The following SPATA33 variants were observed in gnomAD, a reference collection of about 807,000 sequenced individuals.
SPATA33 encodes spermatogenesis associated 33.
SPATA33 carries 10 observed loss-of-function variants against 8.9 expected under a neutral mutation model. The observed-to-expected ratio is 1.12, with a 90% CI of 0.69 to 1.90. The LOEUF is 1.90. SPATA33 is among the 40% of genes most tolerant of loss of function. The probability of loss-of-function intolerance (pLI) is 0.00; values close to 1 mark genes in which losing one functional copy is unlikely to be tolerated. For synonymous variants in SPATA33, 96 were observed against 72.8 expected, an observed-to-expected ratio of 1.32 and a Z score of -1.63; for missense variants, 241 against 178.3, an observed-to-expected ratio of 1.35 and a Z score of -2.00.
At chr16:89,664,486 T>TA (rs1236948090) in intron 2 of SPATA33, among the ~76,000 whole-genome samples, 2 of 152,060 alleles carry the variant, frequency 1.3e-5, no homozygotes, top group Admixed American at 1.3e-4. Context: ...TTTGACGTCA[T>TA]CAAAATGCGA....
Position 89,669,617 on chromosome 16 carries a change from C to A in SPATA33, c.*120C>A. The A allele has an allele frequency of 2.1e-6, 2 of 957,236 alleles. No individual in the cohort carries two copies. Among genetic ancestry groups the A allele is most frequent in the Non-Finnish European group, 3.1e-6 (2 of 653,814 alleles). 59.3% of individuals were successfully genotyped at this position (957,236 alleles called of 1,614,324 possible). On this transcript the variant is annotated 3_prime_UTR_variant, in exon 3 of 3. Transcript: ENST00000579310. The stretch of plus-strand genomic sequence containing the variant: ...GCTCTCGGGGAGGTTGCACCAGGCC[C>A]ACCCCACCCTGTGAGAAACTGCAGC...
chr16:89,660,446 G>A (rs575987880), intron 2 of SPATA33: 1 of 1,231,288 alleles, frequency 8.1e-7, no homozygotes, highest in Non-Finnish European at 1.0e-6. Flanking sequence ...ACCAGAGGGT[G>A]GGGGAGGAAG....
At chr16:89,663,689 G>A (rs1247452404) in intron 2 of SPATA33, among the ~76,000 whole-genome samples, 4 of 152,180 alleles carry the variant, frequency 2.6e-5, no homozygotes, top group Admixed American at 6.5e-5. Flanking sequence ...GGGAGTGGGT[G>A]TGTCTGAAGG....
At chr16:89,657,987 C>T (rs1319689787) in intron 1 of SPATA33, 39 bp downstream of exon 1, 4 of 1,503,550 alleles carry the variant, frequency 2.7e-6, no homozygotes, top group East Asian at 2.7e-5. Flanking sequence ...CGCGTCTCCG[C>T]CCCTGGGCGC....
At chr16:89,664,241 C>T (rs892746899) in intron 2 of SPATA33, among the ~76,000 whole-genome samples, 1 of 152,222 alleles carries the variant, frequency 6.6e-6, no homozygotes, top group Non-Finnish European at 1.5e-5. Flanking sequence ...AAAATATTTA[C>T]ATCTATGAGA....
rs757530791 is a variant in SPATA33 at position 89,669,284 on chromosome 16, A to G, written c.212-2A>G. The G allele has an allele frequency of 9.9e-6, 16 of 1,613,888 alleles. No homozygotes were observed. In the South Asian group the frequency reaches 1.2e-4, roughly 12 times the overall value. ...TAAATGCCTGGATGTTTTTTCCTCTAGAGAAACCTGATGTAAAGCAAAAGT... is the reference window on the plus strand; with the variant it reads ...TAAATGCCTGGATGTTTTTTCCTCTGGAGAAACCTGATGTAAAGCAAAAGT... On this transcript the variant is annotated splice_acceptor_variant, in intron 2 of 2. Coordinates refer to ENST00000579310, the MANE Select transcript of SPATA33 (RefSeq NM_001271907.2). LOFTEE classifies it high-confidence loss of function.
At chr16:89,658,653 A>C in intron 2 of SPATA33, 1 of 598,138 alleles carries the variant, frequency 1.7e-6, no homozygotes, top group African/African-American at 1.9e-5. Flanking sequence ...ATAAGTGCGT[A>C]CCAGGTGGTC....
At chr16:89,658,062 C>CG (rs1300171824) in intron 1 of SPATA33, 114 bp downstream of exon 1, 2 of 1,460,920 alleles carry the variant, frequency 1.4e-6, no homozygotes, top group Non-Finnish European at 1.8e-6. Context: ...CGGCCCGGTG[C>CG]GAACCGTTCC....
At chr16:89,662,339 TAAC>T (rs1419604447) in intron 2 of SPATA33, among the ~76,000 whole-genome samples, 1 of 150,178 alleles carries the variant, frequency 6.7e-6, no homozygotes, top group Non-Finnish European at 1.5e-5. Context: ...AAGAACAAGA[TAAC>T]AAAATACTGA....
chr16:89,661,930 AAC>A lies in SPATA33; in HGVS notation c.211+3513_211+3514del, dbSNP rs2059970796. Among the ~76,000 whole-genome samples the A allele has an allele frequency of 2.0e-5, 3 of 152,292 alleles. No individual in the cohort carries two copies. In the South Asian group the frequency reaches 6.2e-4, roughly 32 times the overall value. ...GGGAATGCTATTATAGTTACGCTAA[AAC>A]ACAATCCCTATCTAATAAATACACT... On this transcript the variant is annotated intron_variant, in intron 2 of 2. Coordinates refer to ENST00000579310, the MANE Select transcript of SPATA33 (RefSeq NM_001271907.2).
At chr16:89,663,346 G>A (rs1404027891) in intron 2 of SPATA33, among the ~76,000 whole-genome samples, 1 of 151,346 alleles carries the variant, frequency 6.6e-6, no homozygotes. Context: ...CGGAGTAGCT[G>A]GGACTACAGG....
intron 2 of SPATA33, among the ~76,000 whole-genome samples, chr16:89,663,418 G>C (rs534364199): frequency 5.3e-5 from 8 of 152,086 alleles, no homozygotes; most frequent in Non-Finnish European, 1.2e-4. Flanking sequence ...TCTCCATGTT[G>C]GTCAGGCTGG....
intron 2 of SPATA33, chr16:89,667,873 C>A (rs1244470177): frequency 6.6e-6 from 1 of 152,274 alleles, no homozygotes; most frequent in South Asian, 2.1e-4. Context: ...CTCTGTGTCT[C>A]CCCTGTTTGA....
intron 2 of SPATA33, among the ~76,000 whole-genome samples, chr16:89,662,656 G>A (rs2059978869): frequency 6.6e-6 from 1 of 152,100 alleles, no homozygotes; most frequent in South Asian, 2.1e-4. Flanking sequence ...CAAACTCCTG[G>A]CTTCAGCTGA....
chr16:89,658,553 T>G, intron 2 of SPATA33, 132 bp downstream of exon 2: 1 of 1,240,736 alleles, frequency 8.1e-7, no homozygotes, highest in Non-Finnish European at 1.1e-6. Flanking sequence ...TGAAACTGGT[T>G]TGTTTTGGGA....
At chr16:89,666,646 C>G (rs1201837986) in intron 2 of SPATA33, among the ~76,000 whole-genome samples, 2 of 152,088 alleles carry the variant, frequency 1.3e-5, no homozygotes, top group Non-Finnish European at 2.9e-5. Flanking sequence ...CCCGGGGGAC[C>G]ACTACCACCA....
At chr16:89,659,757 C>G (rs1339927817) in intron 2 of SPATA33, 1 of 152,304 alleles carries the variant, frequency 6.6e-6, no homozygotes, top group East Asian at 1.9e-4. Context: ...GGATGACTGG[C>G]CTGCTAGGCA....
At position 89,658,270 on chromosome 16, in the gene SPATA33, C is replaced by G. The variant is rs2059911321; in HGVS notation, c.60C>G (p.Ser20=). Residue 20 remains serine (S), a synonymous_variant, in exon 2 of 3, where the codon TCC becomes TCG. Transcript: ENST00000579310. ...CAGGTGAGGAGCAAAAGAAGGGATC[C>G]ACCTATTCAGTTCCAAAATCTAAGG... ...PRKGEEQKKG[S]TYSVPKSKEK... 6.2e-7 allele frequency: 1 copy of G among 1,614,190 alleles called. No individual in the cohort carries two copies.
intron 2 of SPATA33, chr16:89,659,168 G>T (rs953193506): frequency 3.3e-5 from 5 of 152,152 alleles, no homozygotes; most frequent in African/African-American, 1.2e-4. Flanking sequence ...AAAAACAAGG[G>T]CGGCATGATG....
Sources: allele counts gnomAD v4.1 joint callset (sites outside exome capture counted in the v4.1 genomes callset), GRCh38; gene constraint gnomAD v4.1.1; transcripts MANE v1.5; gene names NCBI Gene and HGNC (gene_info 2026-07-23, HGNC 2026-07-21).